ZRANB3: variants seen among roughly 807,000 people sequenced by gnomAD.
The protein encoded by ZRANB3 is DNA annealing helicase and endonuclease ZRANB3.
In ZRANB3, 125 loss-of-function variants were observed where a neutral mutation model predicts 133.8. The observed-to-expected ratio is 0.93, with a 90% CI of 0.81 to 1.08. ZRANB3 has a LOEUF of 1.08. Ranked by LOEUF, ZRANB3 falls within the 50% of genes least tolerant of loss-of-function variation. The pLI is 0.00. For missense variants in ZRANB3, 1,229 were observed against 1,275.5 expected (o/e 0.96, Z 0.56); for synonymous variants, 387 against 432.7 (o/e 0.89, Z 1.31).
chr2:135,328,067 T>A (rs1187670812), intron 6 of ZRANB3, among the ~76,000 whole-genome samples: 5 of 151,946 alleles, frequency 3.3e-5, no homozygotes, highest in South Asian at 2.1e-4. Context: ...AAAGCCAATT[T>A]TTATTATTAT....
intron 3 of ZRANB3, among the ~76,000 whole-genome samples, chr2:135,383,849 T>A (rs535072044): frequency 2.6e-4 from 40 of 151,922 alleles, no homozygotes; most frequent in African/African-American, 9.6e-4. Flanking sequence ...AAGCAGTGTG[T>A]AGAGGGAAAT....
At chr2:135,440,031 T>G (rs1429562711) in intron 2 of ZRANB3, among the ~76,000 whole-genome samples, 1 of 152,158 alleles carries the variant, frequency 6.6e-6, no homozygotes, top group Non-Finnish European at 1.5e-5. Context: ...CACAATGTAG[T>G]CTCAGGATTT....
chr2:135,428,891 C>T (rs1438469650), intron 2 of ZRANB3, among the ~76,000 whole-genome samples: 1 of 152,162 alleles, frequency 6.6e-6, no homozygotes, highest in Non-Finnish European at 1.5e-5. Context: ...ATAACAGATG[C>T]TGGTGGGGTT....
At chr2:135,249,747 C>CA (rs2105093410) in intron 12 of ZRANB3, among the ~76,000 whole-genome samples, 1 of 152,294 alleles carries the variant, frequency 6.6e-6, no homozygotes, top group East Asian at 1.9e-4. Context: ...TTGCCGCTGC[C>CA]ATATAAAGAA....
intron 6 of ZRANB3, among the ~76,000 whole-genome samples, chr2:135,318,424 G>T (rs1683363763): frequency 6.6e-6 from 1 of 152,132 alleles, no homozygotes; most frequent in African/African-American, 2.4e-5. Flanking sequence ...GCCAACTATG[G>T]ATTATTAAGC....
intron 20 of ZRANB3, 47 bp from the exon 21 acceptor site, chr2:135,200,487 C>T (rs768935977): frequency 8.3e-6 from 12 of 1,453,476 alleles, no homozygotes; most frequent in Admixed American, 2.1e-5. Context: ...AAAAAAGCAC[C>T]GGCTACAAAA....
chr2:135,213,228 C>T (rs752746400), intron 17 of ZRANB3, among the ~76,000 whole-genome samples: 2 of 152,156 alleles, frequency 1.3e-5, no homozygotes, highest in East Asian at 1.9e-4. Flanking sequence ...AAAGGGGGTC[C>T]GAGGAGTTTC....
chr2:135,390,071 G>A (rs1031242098), intron 3 of ZRANB3, among the ~76,000 whole-genome samples: 1 of 151,460 alleles, frequency 6.6e-6, no homozygotes, highest in African/African-American at 2.4e-5. Flanking sequence ...AATAGAGATG[G>A]GGTTTCACCG....
At chr2:135,271,687 A>G (rs1680520953) in intron 10 of ZRANB3, 81 bp downstream of exon 10, 1 of 1,476,934 alleles carries the variant, frequency 6.8e-7, no homozygotes. Flanking sequence ...TTACAAGTTT[A>G]TAAACCAAAG....
chr2:135,365,607 A>ATC (rs1330731671), intron 3 of ZRANB3, among the ~76,000 whole-genome samples: 1 of 152,248 alleles, frequency 6.6e-6, no homozygotes, highest in African/African-American at 2.4e-5. Flanking sequence ...GAATTTGTTG[A>ATC]TCACAAATGT....
chr2:135,364,844 T>A (rs1218559109), intron 3 of ZRANB3, among the ~76,000 whole-genome samples: 1 of 151,646 alleles, frequency 6.6e-6, no homozygotes, highest in Non-Finnish European at 1.5e-5. Context: ...AGGTCAGGAG[T>A]TCGAGACCAG....
At chr2:135,261,100 A>T (rs72982326) in intron 12 of ZRANB3, among the ~76,000 whole-genome samples, 3,624 of 151,678 alleles carry the variant, frequency 0.024, 164 homozygotes, top group African/African-American at 0.083. Context: ...GAAGTTTTTG[A>T]TGTCAAATGG....
intron 2 of ZRANB3, among the ~76,000 whole-genome samples, chr2:135,463,636 C>T (rs1446469601): frequency 6.6e-6 from 1 of 152,036 alleles, no homozygotes; most frequent in Non-Finnish European, 1.5e-5. Context: ...AGGCTGATCT[C>T]GAACTCCTGA....
At chr2:135,405,205 G>A (rs867111597) in intron 2 of ZRANB3, among the ~76,000 whole-genome samples, 1 of 152,092 alleles carries the variant, frequency 6.6e-6, no homozygotes. Flanking sequence ...AACCAACAAA[G>A]ATCAAAAGAG....
intron 2 of ZRANB3, among the ~76,000 whole-genome samples, chr2:135,416,329 G>A (rs1688573738): frequency 6.6e-6 from 1 of 152,044 alleles, no homozygotes; most frequent in Non-Finnish European, 1.5e-5. Context: ...CAAACACAGA[G>A]CCAAATCATG....
intron 3 of ZRANB3, among the ~76,000 whole-genome samples, chr2:135,376,172 TG>T (rs1377941897): frequency 6.6e-6 from 1 of 152,136 alleles, no homozygotes; most frequent in Non-Finnish European, 1.5e-5. Context: ...GACAAAGGCA[TG>T]GAACAGATTA....
At chr2:135,474,315 G>A (rs536418096) in intron 2 of ZRANB3, among the ~76,000 whole-genome samples, 17 of 152,122 alleles carry the variant, frequency 1.1e-4, no homozygotes, top group African/African-American at 1.7e-4. Context: ...GACTCAACCC[G>A]ACTCTAGCCT....
At chr2:135,353,692 T>C (rs1205598702) in intron 3 of ZRANB3, 64 bp from the exon 4 acceptor site, 2 of 1,120,472 alleles carry the variant, frequency 1.8e-6, no homozygotes, top group Non-Finnish European at 2.4e-6. Flanking sequence ...AAAATATTTA[T>C]CAAACATTTT....
At chr2:135,381,295 G>T (rs1021326491) in intron 3 of ZRANB3, among the ~76,000 whole-genome samples, 1 of 152,232 alleles carries the variant, frequency 6.6e-6, no homozygotes, top group African/African-American at 2.4e-5. Context: ...CAGCAGCAAG[G>T]CTGGGGGAGG....
Sources: gnomAD v4.1 joint callset for allele counts (sites outside exome capture counted in the v4.1 genomes callset) on GRCh38, gnomAD v4.1.1 for gene constraint, MANE v1.5 for transcripts, NCBI Gene and HGNC (gene_info 2026-07-23, HGNC 2026-07-21) for gene names.